NRG2: variants seen among roughly 807,000 people sequenced by gnomAD.
The protein encoded by NRG2 is neuregulin 2.
In NRG2, 27 loss-of-function variants were observed where a neutral mutation model predicts 73.9. The observed-to-expected ratio is 0.37, with a 90% CI of 0.27 to 0.50. The LOEUF is 0.50. Among genes scored for constraint, NRG2 ranks in the 20% least tolerant of loss-of-function variants. NRG2 has a pLI of 0.96. For missense variants in NRG2, 1,126 were observed against 1,210.1 expected, an observed-to-expected ratio of 0.93 and a Z score of 1.03; for synonymous variants, 532 against 541.0, an observed-to-expected ratio of 0.98 and a Z score of 0.23.
intron 5 of NRG2, chr5:139,859,860 G>A (rs887858985): frequency 3.1e-6 from 5 of 1,609,654 alleles, no homozygotes; most frequent in African/African-American, 1.3e-5. Flanking sequence ...CACGCAGATG[G>A]TGCTGAGTGA....
chr5:139,947,769 T>C (rs1047088122), intron 1 of NRG2, among the ~76,000 whole-genome samples: 2 of 152,200 alleles, frequency 1.3e-5, no homozygotes, highest in African/African-American at 4.8e-5. Context: ...TGGTATATCA[T>C]TGTGGTTCTG....
At chr5:140,011,908 T>G (rs139540810) in intron 1 of NRG2, among the ~76,000 whole-genome samples, 1 of 152,354 alleles carries the variant, frequency 6.6e-6, no homozygotes, top group African/African-American at 2.4e-5. Context: ...TAAACATTTC[T>G]TAATACTTTC....
intron 1 of NRG2, among the ~76,000 whole-genome samples, chr5:139,942,543 A>T (rs1753480902): frequency 6.6e-6 from 1 of 152,174 alleles, no homozygotes; most frequent in African/African-American, 2.4e-5. Flanking sequence ...GTGACTTCAA[A>T]CTTGGCATCC....
chr5:139,896,249 G>A (rs999427710), intron 1 of NRG2, among the ~76,000 whole-genome samples: 2 of 152,186 alleles, frequency 1.3e-5, no homozygotes, highest in African/African-American at 4.8e-5. Context: ...ACATATGGTG[G>A]AGAAAAGTGT....
At chr5:139,978,604 C>T (rs1159796462) in intron 1 of NRG2, among the ~76,000 whole-genome samples, 1 of 152,050 alleles carries the variant, frequency 6.6e-6, no homozygotes, top group Admixed American at 6.6e-5. Context: ...GGTATATACC[C>T]AAAGGATTAT....
rs761581431 is a variant in NRG2 at position 139,865,675 on chromosome 5, G to A, written c.1113-50C>T. The A allele has an allele frequency of 5.3e-6, 8 of 1,495,608 alleles. No homozygotes were observed. Among genetic ancestry groups the A allele is most frequent in the East Asian group, 4.5e-5 (2 of 44,226 alleles). 92.6% of individuals were successfully genotyped at this position (1,495,608 alleles called of 1,614,324 possible). The stretch of plus-strand genomic sequence containing the variant: ...CACAGAACAAACTGGCATCATCCGC[G>A]AGGCTAAGGTTAGAAATCAAAGTGC... On this transcript the variant is annotated intron_variant, in intron 4 of 9. Transcript: ENST00000361474. The surrounding 1 kb of genome is among the most constrained non-coding windows in gnomAD (Gnocchi z 5.2).
Position 139,915,012 on chromosome 5 carries a change from T to C in NRG2, c.701-27501A>G, listed in dbSNP as rs114895385. 2.8e-4 allele frequency among the ~76,000 whole-genome samples: 43 copies of C among 152,244 alleles called. No homozygotes were observed. Among genetic ancestry groups the C allele is most frequent in the African/African-American group, 1.0e-3 (43 of 41,562 alleles). On this transcript the variant is annotated intron_variant, in intron 1 of 9. Transcript: ENST00000361474. The surrounding 1 kb of genome is among the most constrained non-coding windows in gnomAD (Gnocchi z 4.0). ...GGCCTTTGTCACCTCATCTTTCCCA[T>C]CCTCAAGGTTGCGATCCCTGCACTC...
chr5:139,891,828 A>G (rs1322794646), intron 1 of NRG2, among the ~76,000 whole-genome samples: 3 of 151,514 alleles, frequency 2.0e-5, no homozygotes, highest in Non-Finnish European at 4.4e-5. Context: ...TTTGTACATT[A>G]AAAAAAAACT....
intron 1 of NRG2, among the ~76,000 whole-genome samples, chr5:139,919,577 G>A (rs1450541057): frequency 1.3e-5 from 2 of 152,108 alleles, no homozygotes; most frequent in Non-Finnish European, 2.9e-5. Flanking sequence ...TCTAGTACAT[G>A]CAAGCTAAAG....
At chr5:139,975,792 C>T (rs1415609055) in intron 1 of NRG2, among the ~76,000 whole-genome samples, 1 of 152,212 alleles carries the variant, frequency 6.6e-6, no homozygotes, top group Non-Finnish European at 1.5e-5. Context: ...CAGAAGAAAA[C>T]TGTCTGTATC....
chr5:139,916,312 A>T (rs73271462), intron 1 of NRG2, among the ~76,000 whole-genome samples: 1 of 152,200 alleles, frequency 6.6e-6, no homozygotes, highest in Non-Finnish European at 1.5e-5. Flanking sequence ...TCCAGTCCTC[A>T]CTGCTCAACT....
intron 3 of NRG2, among the ~76,000 whole-genome samples, chr5:139,875,865 T>C (rs1763144948): frequency 6.6e-6 from 1 of 152,178 alleles, no homozygotes; most frequent in Non-Finnish European, 1.5e-5. Context: ...TGTGGAGAAA[T>C]TGGAAGCCGT....
intron 1 of NRG2, among the ~76,000 whole-genome samples, chr5:140,028,215 C>T (rs1477852946): frequency 1.3e-5 from 2 of 152,122 alleles, no homozygotes; most frequent in Non-Finnish European, 2.9e-5. Context: ...CTATTAATGT[C>T]CTGGTTTTAA....
chr5:139,905,290 G>A (rs1366054269), intron 1 of NRG2, among the ~76,000 whole-genome samples: 1 of 152,232 alleles, frequency 6.6e-6, no homozygotes. Flanking sequence ...CTGCCTGGGT[G>A]TGGTGCTGAA....
In NRG2 at chr5:140,008,925, C is replaced by T. The variant is rs996833228; in HGVS notation, c.700+33445G>A. 6.6e-6 allele frequency among the ~76,000 whole-genome samples: 1 copy of T among 152,152 alleles called. No individual in the cohort carries two copies. The highest frequency in any genetic ancestry group is 2.4e-5 in the African/African-American group (1 of 41,436). On this transcript the variant is annotated intron_variant, in intron 1 of 9. Coordinates refer to ENST00000361474, the MANE Select transcript of NRG2 (RefSeq NM_004883.3). This position sits in a 1 kb window ranked among gnomAD's most constrained non-coding sequence, Gnocchi z 4.2. ...GAAAAATGGGATAATAGCAATAGAA[C>T]CAACCTCCCAGGGTTGTTGCAAGGA...
At chr5:139,931,142 T>C (rs1370027616) in intron 1 of NRG2, among the ~76,000 whole-genome samples, 1 of 152,194 alleles carries the variant, frequency 6.6e-6, no homozygotes, top group Admixed American at 6.5e-5. Context: ...TACAAGGGTG[T>C]TCTGAAGACT....
Position 140,042,624 on chromosome 5 carries a change from G to T in NRG2, c.446C>A (p.Thr149Asn), listed in dbSNP as rs1762022086. 6.2e-7 allele frequency: 1 copy of T among 1,607,244 alleles called. No homozygotes were observed. Among genetic ancestry groups the T allele is most frequent in the South Asian group, 1.1e-5 (1 of 90,322 alleles). The change falls in exon 1 of 10, where the codon ACC becomes AAC. Residue 149 changes from threonine to asparagine, a missense_variant. Thr to Asn is a moderately conservative substitution (Grantham distance 65). This residue lies in a region of NRG2 where 539 missense variants were observed against 703.2 expected (regional missense o/e 0.77). Transcript: ENST00000361474. ...VPAGGSSSNS[T>N]REPPASGRVA... ...CCGACCCGAGGCGGGCGGCTCTCGG[G>T]TGCTGTTGGAGCTGGAGCCGCCGGC...
intron 1 of NRG2, among the ~76,000 whole-genome samples, chr5:139,989,867 C>T (rs1488893922): frequency 4.0e-5 from 6 of 151,274 alleles, no homozygotes; most frequent in Non-Finnish European, 7.4e-5. Flanking sequence ...CGGCTCACTG[C>T]AAGCTCCGCC....
rs1252724978 is a variant in NRG2, at chr5:139,869,954, C to T, written c.1112+1767G>A. 6.6e-6 allele frequency among the ~76,000 whole-genome samples: 1 copy of T among 152,216 alleles called. No individual in the cohort carries two copies. Among genetic ancestry groups the T allele is most frequent in the Non-Finnish European group, 1.5e-5 (1 of 68,038 alleles). On this transcript the variant is annotated intron_variant, in intron 4 of 9. Coordinates refer to ENST00000361474, the MANE Select transcript of NRG2 (RefSeq NM_004883.3). The surrounding 1 kb of genome is among the most constrained non-coding windows in gnomAD (Gnocchi z 4.5). ...ACCTGTCCTGAGGGGCCAGAACCTT[C>T]CCTGCCCGGACGAGGGCTGACTTCA...
Sources: allele counts gnomAD v4.1 joint callset (sites outside exome capture counted in the v4.1 genomes callset), GRCh38; gene constraint gnomAD v4.1.1; regional missense constraint gnomAD v4.1.1; non-coding constraint Gnocchi (gnomAD v3.1); transcripts MANE v1.5; gene names NCBI Gene and HGNC (gene_info 2026-07-23, HGNC 2026-07-21).